CFAP54: variants seen among roughly 807,000 people sequenced by gnomAD.
The protein encoded by CFAP54 is cilia and flagella associated protein 54.
A neutral mutation model predicts 370.4 loss-of-function variants in CFAP54; 290 were observed. That is an observed-to-expected ratio of 0.78 (90% CI 0.71 to 0.86). The LOEUF is 0.86. CFAP54 is among the 40% of genes least tolerant of loss of function. The pLI is 0.00. For synonymous variants in CFAP54, 1,206 were observed against 1,236.5 expected (o/e 0.98, Z 0.52); for missense variants, 3,399 against 3,528.7 (o/e 0.96, Z 0.93).
At chr12:96,605,398 A>G (rs1020873268) in intron 26 of CFAP54, among the ~76,000 whole-genome samples, 9 of 152,142 alleles carry the variant, frequency 5.9e-5, no homozygotes, top group African/African-American at 2.2e-4. Flanking sequence ...AATGTAAACA[A>G]TAATGTTAGG....
chr12:96,691,401 G>T, intron 44 of CFAP54, 91 bp downstream of exon 44: 6 of 857,618 alleles, frequency 7.0e-6, no homozygotes, highest in Non-Finnish European at 1.0e-5. Flanking sequence ...TGTTCTTTTG[G>T]TCAGTTACTG....
At position 96,533,828 on chromosome 12, in the gene CFAP54, C is replaced by T. The variant is rs548533037; in HGVS notation, c.1394C>T (p.Pro465Leu). The T allele has an allele frequency of 1.4e-5, 21 of 1,528,298 alleles. No homozygotes were observed. In the South Asian group the frequency reaches 1.6e-4, roughly 12 times the overall value. 94.7% of individuals were successfully genotyped at this position (1,528,298 alleles called of 1,614,324 possible). The stretch of plus-strand genomic sequence containing the variant: ...GGTGCAGATGGAATGCTTGATTTTC[C>T]AAAAACATCTCTTCTGGAACTTATG... ...NIGADGMLDFPKTSLLELMIG... is the reference protein window; with the variant it reads ...NIGADGMLDFLKTSLLELMIG... The change falls in exon 10 of 68, where the codon CCA becomes CTA. Residue 465 changes from proline (P) to leucine (L), a missense_variant. By Grantham distance (98) the Pro-to-Leu change is moderately conservative. Around this residue, in one of 3 missense-constraint regions of CFAP54, gnomAD observed 559 missense variants for 576.7 expected, o/e 0.97. Coordinates refer to ENST00000524981, the MANE Select transcript of CFAP54 (RefSeq NM_001306084.2).
At chr12:96,873,645 A>G (rs143811124) in intron 67 of CFAP54, among the ~76,000 whole-genome samples, 1 of 152,360 alleles carries the variant, frequency 6.6e-6, no homozygotes, top group East Asian at 1.9e-4. Context: ...TAGTAAATCT[A>G]GCTTTGTGTC....
rs1372704226 is a variant in CFAP54 at position 96,624,254 on chromosome 12, TC to T, written c.3886+374del. 3.3e-5 allele frequency among the ~76,000 whole-genome samples: 5 copies of T among 152,242 alleles called. No homozygotes were observed. The East Asian group carries it at 9.6e-4, about 29-fold the overall frequency. On this transcript the variant is annotated intron_variant, in intron 28 of 67. Coordinates refer to ENST00000524981, the MANE Select transcript of CFAP54 (RefSeq NM_001306084.2). Reference sequence around the variant, plus strand: ...ATTGAGTAGCATCCCTGGCCTCTACTCACAGAAGCACAGCACACCACCCCCT... The same window carrying T: ...ATTGAGTAGCATCCCTGGCCTCTACTACAGAAGCACAGCACACCACCCCCT...
intron 62 of CFAP54, among the ~76,000 whole-genome samples, chr12:96,790,766 A>G (rs906320661): frequency 3.9e-5 from 6 of 152,144 alleles, no homozygotes; most frequent in Admixed American, 2.0e-4. Context: ...GTGTATTTTG[A>G]TCATGCTTTT....
chr12:96,503,232 CCTTT>C (rs1189341511), intron 2 of CFAP54, among the ~76,000 whole-genome samples: 24 of 126,046 alleles, frequency 1.9e-4, no homozygotes, highest in African/African-American at 6.9e-4. Flanking sequence ...TTTTTTCCTT[CCTTT>C]CTTTCTCTCT....
chr12:96,658,232 G>A lies in CFAP54; in HGVS notation c.5346G>A (p.Val1782=), dbSNP rs1291070426. 1 of 1,613,940 alleles carries A rather than the reference G, an allele frequency of 6.2e-7. No homozygotes were observed. Among genetic ancestry groups the A allele is most frequent in the Admixed American group, 1.7e-5 (1 of 60,004 alleles). The part of the protein sequence containing the change: ...TVSHERYTEQ[V]TPLLVYAQRQ... Reference sequence around the variant, plus strand: ...CTAGTGAGAGGTATACAGAACAAGTGACACCACTTCTGGTGTATGCACAGC... The same window carrying A: ...CTAGTGAGAGGTATACAGAACAAGTAACACCACTTCTGGTGTATGCACAGC... Residue 1782 remains valine (V), a synonymous_variant, in exon 38 of 68, where the codon GTG becomes GTA. Coordinates refer to ENST00000524981, the MANE Select transcript of CFAP54 (RefSeq NM_001306084.2).
At chr12:96,864,478 C>T (rs1205623456) in intron 67 of CFAP54, among the ~76,000 whole-genome samples, 4 of 152,170 alleles carry the variant, frequency 2.6e-5, no homozygotes, top group Non-Finnish European at 5.9e-5. Context: ...CAGTCCCCAG[C>T]TCAGCCAACG....
chr12:96,683,733 G>A (rs1314669496), intron 40 of CFAP54, among the ~76,000 whole-genome samples: 1 of 151,916 alleles, frequency 6.6e-6, no homozygotes, highest in East Asian at 1.9e-4. Flanking sequence ...GTTGGTTGGG[G>A]TTTTTGGCTA....
intron 50 of CFAP54, among the ~76,000 whole-genome samples, chr12:96,723,849 C>T (rs1957792496): frequency 8.7e-6 from 1 of 115,290 alleles, no homozygotes. Context: ...CCACAACAGT[C>T]CCCAGAGTGT....
chr12:96,605,617 A>G (rs1833466), intron 26 of CFAP54, among the ~76,000 whole-genome samples: 3,155 of 151,380 alleles, frequency 0.021, 61 homozygotes, highest in African/African-American at 0.051. Context: ...TCATTCCTTC[A>G]TTCAATATGT....
chr12:96,489,963 A>G lies in CFAP54; in HGVS notation c.317+37A>G, dbSNP rs998213591. 8.7e-6 allele frequency: 13 copies of G among 1,501,590 alleles called. No individual in the cohort carries two copies. The Admixed American group carries it at 2.0e-4, about 23-fold the overall frequency. The allele number at this position is 1,501,590 out of a possible 1,614,324, so 93.0% of individuals were successfully genotyped here. On this transcript the variant is annotated intron_variant, in intron 1 of 67. Transcript: ENST00000524981. ...CGGGGCACTGGGGAGGGCGCCGGCCAGAGGAGGGACCCCTGGAAAGGGCTG... is the reference window on the plus strand; with the variant it reads ...CGGGGCACTGGGGAGGGCGCCGGCCGGAGGAGGGACCCCTGGAAAGGGCTG...
At chr12:96,825,729 A>C (rs1814698815) in intron 65 of CFAP54, among the ~76,000 whole-genome samples, 1 of 125,382 alleles carries the variant, frequency 8.0e-6, no homozygotes, top group Non-Finnish European at 1.6e-5. Context: ...ATAATATATT[A>C]TATAAATATC....
chr12:96,675,174 T>C (rs1220012516), intron 39 of CFAP54, among the ~76,000 whole-genome samples: 1 of 152,044 alleles, frequency 6.6e-6, no homozygotes, highest in African/African-American at 2.4e-5. Flanking sequence ...GAGAAAATTT[T>C]TGCAATCTAC....
At chr12:96,811,171 A>G (rs1592777419) in intron 63 of CFAP54, among the ~76,000 whole-genome samples, 1 of 152,210 alleles carries the variant, frequency 6.6e-6, no homozygotes, top group African/African-American at 2.4e-5. Flanking sequence ...CTACAAATCC[A>G]TAACTAAGTA....
intron 26 of CFAP54, among the ~76,000 whole-genome samples, chr12:96,610,115 G>A (rs946269565): frequency 1.2e-4 from 19 of 152,178 alleles, no homozygotes; most frequent in African/African-American, 3.6e-4. Context: ...CAAACAGTTC[G>A]GTGCAATAGA....
rs192449072 is a variant in CFAP54 at position 96,648,883 on chromosome 12, C to T, written c.4690+866C>T. Among the ~76,000 whole-genome samples the T allele has an allele frequency of 3.9e-4, 60 of 152,134 alleles. No homozygotes were observed. The East Asian group carries it at 8.7e-3, about 22-fold the overall frequency. On this transcript the variant is annotated intron_variant, in intron 34 of 67. Transcript: ENST00000524981. The stretch of plus-strand genomic sequence containing the variant: ...AATTACAGGCGTGAGCCACTGCGCC[C>T]GGCCGAAAACAGGGTTCTTGATCAG...
At chr12:96,753,986 G>T in intron 56 of CFAP54, 88 bp downstream of exon 56, 1 of 1,374,136 alleles carries the variant, frequency 7.3e-7, no homozygotes, top group South Asian at 1.4e-5. Flanking sequence ...TCTGGTCCCT[G>T]ACTATAAAAA....
At chr12:96,668,910 C>T (rs1325218523) in intron 39 of CFAP54, among the ~76,000 whole-genome samples, 1 of 152,146 alleles carries the variant, frequency 6.6e-6, no homozygotes, top group African/African-American at 2.4e-5. Flanking sequence ...GTCAGCTAGT[C>T]ATTCAGCAAA....
Sources: gnomAD v4.1 joint callset for allele counts (sites outside exome capture counted in the v4.1 genomes callset) on GRCh38, gnomAD v4.1.1 for gene constraint, gnomAD v4.1.1 regional missense constraint, MANE v1.5 for transcripts, NCBI Gene and HGNC (gene_info 2026-07-23, HGNC 2026-07-21) for gene names.